The following REDIC1 variants were observed in gnomAD, a reference collection of about 807,000 sequenced individuals.
REDIC1 encodes the protein HEI10 Interacting Protein 1.
At chr12:39,759,913 A>G in the REDIC1 span, 4 of 740,502 alleles carry the variant, frequency 5.4e-6, no homozygotes, top group South Asian at 7.4e-5. Flanking sequence ...TATGAAGTCA[A>G]TCAAAACTAG....
chr12:39,713,853 A>G, the REDIC1 span, among the ~76,000 whole-genome samples: 2 of 148,350 alleles, frequency 1.3e-5, no homozygotes, highest in South Asian at 2.1e-4. Context: ...ATATATGCAT[A>G]TATACATACA....
At chr12:39,880,544 G>C in the REDIC1 span, among the ~76,000 whole-genome samples, 59 of 152,128 alleles carry the variant, frequency 3.9e-4, no homozygotes, top group African/African-American at 1.3e-3. Flanking sequence ...ATTAAATCAA[G>C]CAATGATACA....
the REDIC1 span, among the ~76,000 whole-genome samples, chr12:39,751,445 C>T: frequency 6.6e-6 from 1 of 152,204 alleles, no homozygotes; most frequent in South Asian, 2.1e-4. Flanking sequence ...CACTTTTACA[C>T]TGTTGGTGGG....
chr12:39,626,228 T>C, the REDIC1 span: 1 of 1,239,052 alleles, frequency 8.1e-7, no homozygotes, highest in Non-Finnish European at 1.2e-6. Context: ...ACTCGGGCCC[T>C]GACGTTGTCA....
chr12:39,870,599 G>C, the REDIC1 span, among the ~76,000 whole-genome samples: 2 of 152,118 alleles, frequency 1.3e-5, no homozygotes, highest in Admixed American at 1.3e-4. Context: ...TTATAAACAT[G>C]GTTTTGAAAC....
At chr12:39,812,337 T>TTTTTCTTTTCTTTTCTTTTCTTTTA in the REDIC1 span, among the ~76,000 whole-genome samples, 7 of 135,188 alleles carry the variant, frequency 5.2e-5, no homozygotes, top group African/African-American at 2.1e-4. Flanking sequence ...ACTAATTTCT[T>TTTTTCTTTTCTTTTCTTTTCTTTTA]TTTTCTTTTC....
the REDIC1 span, among the ~76,000 whole-genome samples, chr12:39,688,528 TC>T: frequency 7.9e-5 from 12 of 152,158 alleles, no homozygotes; most frequent in Non-Finnish European, 1.8e-4. Flanking sequence ...CCTAGGTAAT[TC>T]TGGACAATAC....
chr12:39,746,458 C>G, the REDIC1 span, among the ~76,000 whole-genome samples: 3 of 152,210 alleles, frequency 2.0e-5, no homozygotes, highest in African/African-American at 7.2e-5. Flanking sequence ...CCCACCTCAG[C>G]TCACTGAGGC....
chr12:39,780,580 C>G, the REDIC1 span, among the ~76,000 whole-genome samples: 4 of 152,140 alleles, frequency 2.6e-5, no homozygotes, highest in African/African-American at 9.7e-5. Context: ...ATCCATTTGG[C>G]CCCAAAAGCT....
chr12:39,642,645 AGTT>A, the REDIC1 span, among the ~76,000 whole-genome samples: 6 of 151,712 alleles, frequency 4.0e-5, no homozygotes, highest in Admixed American at 6.6e-5. Flanking sequence ...GCATTGACTG[AGTT>A]GTTGTTTCAA....
chr12:39,762,248 C>T, the REDIC1 span, among the ~76,000 whole-genome samples: 2 of 152,014 alleles, frequency 1.3e-5, no homozygotes. Flanking sequence ...CTCATTTATT[C>T]CTCCCTTGGA....
the REDIC1 span, among the ~76,000 whole-genome samples, chr12:39,683,893 T>G: frequency 2.0e-5 from 3 of 152,134 alleles, no homozygotes; most frequent in African/African-American, 7.2e-5. Flanking sequence ...CTTGCTTGGT[T>G]GGTATAGAAT....
chr12:39,756,836 G>A, the REDIC1 span: 1 of 151,498 alleles, frequency 6.6e-6, no homozygotes, highest in Non-Finnish European at 1.5e-5. Flanking sequence ...AGACTCTTAT[G>A]TACTAAAATC....
chr12:39,760,638 T>C, the REDIC1 span, among the ~76,000 whole-genome samples: 1 of 151,990 alleles, frequency 6.6e-6, no homozygotes, highest in East Asian at 1.9e-4. Context: ...TTGCCTTGTC[T>C]ATTACACTAG....
the REDIC1 span, among the ~76,000 whole-genome samples, chr12:39,705,495 A>G: frequency 6.6e-6 from 1 of 151,780 alleles, no homozygotes; most frequent in Non-Finnish European, 1.5e-5. Context: ...CCAAAACCAG[A>G]CAAAGACATC....
the REDIC1 span, among the ~76,000 whole-genome samples, chr12:39,821,592 G>T: frequency 9.9e-5 from 15 of 152,160 alleles, no homozygotes; most frequent in African/African-American, 1.7e-4. Context: ...TTATGCTTCT[G>T]TTCCACATTT....
the REDIC1 span, among the ~76,000 whole-genome samples, chr12:39,671,574 C>G: frequency 1.3e-5 from 2 of 151,994 alleles, no homozygotes. Flanking sequence ...GTCCTTGGGC[C>G]CCTATACAGT....
At chr12:39,897,994 G>T in the REDIC1 span, among the ~76,000 whole-genome samples, 1 of 151,976 alleles carries the variant, frequency 6.6e-6, no homozygotes, top group Non-Finnish European at 1.5e-5. Context: ...ACACTTAAGA[G>T]ATGTTATCAG....
chr12:39,652,449 C>T, the REDIC1 span, among the ~76,000 whole-genome samples: 1 of 152,054 alleles, frequency 6.6e-6, no homozygotes, highest in East Asian at 1.9e-4. Context: ...GTAGTAGTAT[C>T]TCATGTTTTT....
Sources: gnomAD v4.1 joint callset for allele counts (sites outside exome capture counted in the v4.1 genomes callset) on GRCh38, gnomAD v4.1.1 for gene constraint, MANE v1.5 for transcripts, NCBI Gene and HGNC (gene_info 2026-07-23, HGNC 2026-07-21) for gene names.